USP25: variants seen among roughly 807,000 people sequenced by gnomAD.
The protein encoded by USP25 is ubiquitin specific peptidase 25.
Under a neutral mutation model 158.5 loss-of-function variants are expected in USP25, and 85 were observed. The ratio of observed to expected loss-of-function variants is 0.54; its 90% CI spans 0.45 to 0.64. The LOEUF (loss-of-function observed/expected upper bound fraction) is 0.64, where lower values mean the gene tolerates loss of function less well. USP25 is among the 30% of genes least tolerant of loss of function. The probability of loss-of-function intolerance (pLI) is 0.00; values close to 1 mark genes in which losing one functional copy is unlikely to be tolerated. For missense variants in USP25, 1,242 were observed against 1,327.3 expected (o/e 0.94, Z 1.00); for synonymous variants, 464 against 460.4 (o/e 1.01, Z -0.10).
chr21:15,870,673 T>C (rs1027395499), intron 23 of USP25, among the ~76,000 whole-genome samples: 1 of 152,218 alleles, frequency 6.6e-6, no homozygotes, highest in Non-Finnish European at 1.5e-5. Context: ...CTAGTTTGCA[T>C]GTATTTCTCC....
At chr21:15,867,792 T>G (rs1206016310) in intron 22 of USP25, among the ~76,000 whole-genome samples, 2 of 152,098 alleles carry the variant, frequency 1.3e-5, no homozygotes, top group African/African-American at 4.8e-5. Context: ...TAGAAATAAA[T>G]TTAACAAAAG....
intron 16 of USP25, 74 bp downstream of exon 16, chr21:15,831,703 A>C: frequency 8.3e-7 from 1 of 1,205,150 alleles, no homozygotes; most frequent in Non-Finnish European, 1.2e-6. Flanking sequence ...TGATTAGTTA[A>C]GTGTAATTCA....
At chr21:15,750,650 AGGCTGGAGTGCCGT>A (rs1456381135) in intron 1 of USP25, among the ~76,000 whole-genome samples, 2 of 151,638 alleles carry the variant, frequency 1.3e-5, no homozygotes, top group Middle Eastern at 3.4e-3. Flanking sequence ...TCTGTCGCCT[AGGCTGGAGTGCCGT>A]GGCGTGATCA....
intron 1 of USP25, among the ~76,000 whole-genome samples, chr21:15,752,673 A>G (rs1010552779): frequency 6.6e-6 from 1 of 152,212 alleles, no homozygotes; most frequent in African/African-American, 2.4e-5. Flanking sequence ...TTTCTCATAA[A>G]GTATCTCATT....
chr21:15,806,795 T>A (rs2036415051), intron 7 of USP25, among the ~76,000 whole-genome samples: 1 of 152,224 alleles, frequency 6.6e-6, no homozygotes, highest in African/African-American at 2.4e-5. Context: ...ATGATTTTTT[T>A]AAAAGTGAAT....
chr21:15,737,571 G>A (rs725799), intron 1 of USP25, among the ~76,000 whole-genome samples: 3,604 of 151,894 alleles, frequency 0.024, 131 homozygotes, highest in African/African-American at 0.082. Context: ...TATATCAATG[G>A]CTGAAGGTAT....
intron 1 of USP25, among the ~76,000 whole-genome samples, chr21:15,755,353 A>G (rs1215882724): frequency 6.6e-6 from 1 of 152,174 alleles, no homozygotes; most frequent in Non-Finnish European, 1.5e-5. Context: ...GCTTAACACA[A>G]ACTGTTTTTC....
At position 15,832,740 on chromosome 21, in the gene USP25, C is replaced by T. The variant is rs190918756; in HGVS notation, c.1994-608C>T. On this transcript the variant is annotated intron_variant, in intron 16 of 25. Transcript: ENST00000400183. ...AGTAGCAAAGAAAAAAAAAAATGGC[C>T]GGGCGCGGTGGCTTATGCCTGTAAT... Among the ~76,000 whole-genome samples, 1,194 of 151,904 alleles carry T rather than the reference C, an allele frequency of 7.9e-3. 11 individuals are homozygous for T. Among genetic ancestry groups the T allele is most frequent in the Non-Finnish European group, 0.012 (807 of 67,956 alleles).
rs113264950 is a variant in USP25, at chr21:15,826,791, T to A, written c.1467-186T>A. Among the ~76,000 whole-genome samples, 1,469 of 152,326 alleles carry A rather than the reference T, an allele frequency of 9.6e-3. 17 individuals are homozygous for A. The highest frequency in any genetic ancestry group is 0.014 in the South Asian group (70 of 4,834). ...GCTGTTTTAACTCTAAAGCTACAAC[T>A]TCATCTTATAATAATTTAGTTCTTA... On this transcript the variant is annotated intron_variant, in intron 13 of 25. Coordinates refer to ENST00000400183, the MANE Select transcript of USP25 (RefSeq NM_001283041.3). This position sits in a 1 kb window ranked among gnomAD's most constrained non-coding sequence, Gnocchi z 4.8.
At position 15,762,934 on chromosome 21, in the gene USP25, T is replaced by C. The variant is rs1368322631; in HGVS notation, c.89T>C (p.Ile30Thr). ...AATCAACTGAGAGAAATTACGGGGA[T>C]TAATGACACCCAGATACTACAGCAA... ...FLNQLREITG[I>T]NDTQILQQAL... Residue 30 changes from isoleucine (I) to threonine (T), a missense_variant, in exon 2 of 26, where the codon ATT (isoleucine) becomes ACT (threonine). Physicochemically the swap from Ile to Thr is moderately conservative, Grantham distance 89 (BLOSUM62 -1). This residue lies in a region of USP25 where 627 missense variants were observed against 701.4 expected (regional missense o/e 0.89). Coordinates refer to ENST00000400183, the MANE Select transcript of USP25 (RefSeq NM_001283041.3). The C allele has an allele frequency of 6.2e-7, 1 of 1,612,794 alleles. No homozygotes were observed.
At chr21:15,815,070 C>T (rs1318653659) in intron 9 of USP25, among the ~76,000 whole-genome samples, 1 of 152,174 alleles carries the variant, frequency 6.6e-6, no homozygotes, top group Non-Finnish European at 1.5e-5. Flanking sequence ...GTCTCAGCTG[C>T]TCCAGCTTTT....
chr21:15,736,922 T>C (rs1406327239), intron 1 of USP25, among the ~76,000 whole-genome samples: 1 of 151,892 alleles, frequency 6.6e-6, no homozygotes, highest in Non-Finnish European at 1.5e-5. Flanking sequence ...TGCTTTTTTT[T>C]TTTTTCCAGA....
At chr21:15,807,799 C>A (rs767772216) in intron 7 of USP25, among the ~76,000 whole-genome samples, 4 of 152,162 alleles carry the variant, frequency 2.6e-5, no homozygotes, top group Non-Finnish European at 5.9e-5. Context: ...GACCATTATT[C>A]TAAATAGTGT....
chr21:15,760,626 G>A (rs931073659), intron 1 of USP25, among the ~76,000 whole-genome samples: 2 of 152,172 alleles, frequency 1.3e-5, no homozygotes, highest in African/African-American at 4.8e-5. Context: ...TACATAAATT[G>A]TCAAGCATGT....
At chr21:15,745,473 CT>C (rs11284817) in intron 1 of USP25, among the ~76,000 whole-genome samples, 14,431 of 112,986 alleles carry the variant, frequency 0.13, 425 homozygotes, top group African/African-American at 0.2. Context: ...TTTTTCTTTT[CT>C]TTTTTTTTTT....
At chr21:15,858,862 A>G (rs1192054753) in intron 20 of USP25, among the ~76,000 whole-genome samples, 1 of 151,954 alleles carries the variant, frequency 6.6e-6, no homozygotes, top group Non-Finnish European at 1.5e-5. Context: ...AAATTTAGAA[A>G]TTTTATAATA....
intron 1 of USP25, among the ~76,000 whole-genome samples, chr21:15,735,114 G>A (rs936120084): frequency 2.6e-5 from 4 of 152,152 alleles, no homozygotes; most frequent in Admixed American, 2.0e-4. Context: ...ATGTTGTATC[G>A]TTTTGGCTGT....
In USP25 at chr21:15,827,126, A is replaced by G. The variant is rs2037548501; in HGVS notation, c.1616A>G (p.His539Arg). ...PDLPMHPAPR[H>R]ITEEELSVLE... ...TTGCCCATGCATCCGGCACCAAGGC[A>G]CATAACGGAGGAAGAACTTTCTGTG... The change falls in exon 14 of 26, where the codon CAC (histidine) becomes CGC (arginine). Residue 539 changes from histidine to arginine, a missense_variant. Coordinates refer to ENST00000400183, the MANE Select transcript of USP25 (RefSeq NM_001283041.3). 1 of 1,614,188 alleles carries G rather than the reference A, an allele frequency of 6.2e-7. No individual in the cohort carries two copies. Among genetic ancestry groups the G allele is most frequent in the Non-Finnish European group, 8.5e-7 (1 of 1,180,018 alleles).
chr21:15,798,242 T>C (rs898778490), intron 5 of USP25, among the ~76,000 whole-genome samples: 1 of 151,296 alleles, frequency 6.6e-6, no homozygotes, highest in African/African-American at 2.4e-5. Context: ...CTCCTTGAAA[T>C]GTGCCAGCTA....
Sources: allele counts gnomAD v4.1 joint callset (sites outside exome capture counted in the v4.1 genomes callset), GRCh38; gene constraint gnomAD v4.1.1; regional missense constraint gnomAD v4.1.1; non-coding constraint Gnocchi (gnomAD v3.1); transcripts MANE v1.5; gene names NCBI Gene and HGNC (gene_info 2026-07-23, HGNC 2026-07-21).